The following EVA1C variants were observed in gnomAD, a reference collection of about 807,000 sequenced individuals.
EVA1C encodes the protein protein eva-1 homolog C.
EVA1C carries 25 observed loss-of-function variants against 45.4 expected under a neutral mutation model. The observed-to-expected ratio is 0.55, with a 90% CI of 0.40 to 0.77. EVA1C has a LOEUF of 0.77. EVA1C is among the 30% of genes least tolerant of loss of function. EVA1C has a pLI of 0.00. For missense variants in EVA1C, 479 were observed against 554.8 expected (o/e 0.86, Z 1.37); for synonymous variants, 190 against 221.2 (o/e 0.86, Z 1.25).
chr21:32,455,187 A>AG (rs924821126), intron 2 of EVA1C, among the ~76,000 whole-genome samples: 1 of 152,088 alleles, frequency 6.6e-6, no homozygotes, highest in East Asian at 1.9e-4. Context: ...TACATCCTCT[A>AG]GGGGGTTGGA....
intron 7 of EVA1C, among the ~76,000 whole-genome samples, chr21:32,510,524 T>C (rs917196034): frequency 3.5e-4 from 54 of 152,148 alleles, no homozygotes; most frequent in African/African-American, 1.2e-3. Flanking sequence ...TGCACTACAA[T>C]AGCAGAGCTG....
chr21:32,506,888 G>C (rs767125681), intron 7 of EVA1C, among the ~76,000 whole-genome samples: 2 of 152,214 alleles, frequency 1.3e-5, no homozygotes, highest in African/African-American at 2.4e-5. Context: ...GGATGAGCTG[G>C]GGTCTCTAGG....
Position 32,412,757 on chromosome 21 carries a change from C to A in EVA1C, c.-97C>A. The A allele has an allele frequency of 8.3e-7, 1 of 1,206,688 alleles. No individual in the cohort carries two copies. The highest frequency in any genetic ancestry group is 1.1e-6 in the Non-Finnish European group (1 of 939,078). The allele number at this position is 1,206,688 out of a possible 1,614,324, so 74.7% of individuals were successfully genotyped here. A position where few individuals can be genotyped will look rare whatever the true frequency, so the allele number is the denominator to read the frequency against. Reference sequence around the variant, plus strand: ...GAGGCGGCGGGGGGCCGCGGAGCCGCTGGCCATCGATTCTCCCCGCCATGT... The same window carrying A: ...GAGGCGGCGGGGGGCCGCGGAGCCGATGGCCATCGATTCTCCCCGCCATGT... On this transcript the variant is annotated 5_prime_UTR_variant, in exon 1 of 8. It adds an upstream start codon to the 5' untranslated region. Transcript: ENST00000300255.
At chr21:32,447,377 G>A (rs2035402145) in intron 1 of EVA1C, among the ~76,000 whole-genome samples, 2 of 151,364 alleles carry the variant, frequency 1.3e-5, no homozygotes, top group Non-Finnish European at 1.5e-5. Context: ...TCGGTGGGGG[G>A]AAAAGGAAAG....
chr21:32,463,567 G>C (rs1429828957), intron 3 of EVA1C, among the ~76,000 whole-genome samples: 1 of 152,188 alleles, frequency 6.6e-6, no homozygotes, highest in Non-Finnish European at 1.5e-5. Flanking sequence ...CGTTCCAGGA[G>C]ATGGTTTGCC....
chr21:32,466,503 T>A lies in EVA1C; in HGVS notation c.482-1193T>A, dbSNP rs201034580. ...GGAGTACATTCTTTAAAAAAAAAAA[T>A]AAACTGTGTTTTCTTCAACAGTGCA... On this transcript the variant is annotated intron_variant, in intron 3 of 7. Coordinates refer to ENST00000300255, the MANE Select transcript of EVA1C (RefSeq NM_058187.5). 6.9e-4 allele frequency among the ~76,000 whole-genome samples: 75 copies of A among 109,192 alleles called. No individual in the cohort carries two copies. In the South Asian group the frequency reaches 8.5e-3, roughly 12 times the overall value. The allele number at this position is 109,192 out of a possible 152,430, so 71.6% of individuals were successfully genotyped here.
At chr21:32,486,729 T>A (rs55946835) in intron 4 of EVA1C, among the ~76,000 whole-genome samples, 1 of 152,172 alleles carries the variant, frequency 6.6e-6, no homozygotes, top group East Asian at 1.9e-4. Flanking sequence ...CTTATGTAGG[T>A]TGTAAAAGGA....
chr21:32,466,018 C>A (rs1365302064), intron 3 of EVA1C, among the ~76,000 whole-genome samples: 1 of 152,200 alleles, frequency 6.6e-6, no homozygotes, highest in Non-Finnish European at 1.5e-5. Context: ...GGCACCCACT[C>A]ATCTACATTC....
At position 32,513,322 on chromosome 21, in the gene EVA1C, G is replaced by A. The variant is rs1036836681; in HGVS notation, c.950-1492G>A. Among the ~76,000 whole-genome samples, 540 of 147,340 alleles carry A rather than the reference G, an allele frequency of 3.7e-3. 7 individuals carry two copies. Among genetic ancestry groups the A allele is most frequent in the African/African-American group, 0.013 (513 of 40,650 alleles). On this transcript the variant is annotated intron_variant, in intron 7 of 7. Coordinates refer to ENST00000300255, the MANE Select transcript of EVA1C (RefSeq NM_058187.5). Reference sequence around the variant, plus strand: ...CTCCTGAGTAGCTGCGACTACAGGCGCCCGCCACCACACCCGGCTAGTTTT... The same window carrying A: ...CTCCTGAGTAGCTGCGACTACAGGCACCCGCCACCACACCCGGCTAGTTTT...
intron 1 of EVA1C, among the ~76,000 whole-genome samples, chr21:32,413,318 C>G (rs1293545382): frequency 6.6e-6 from 1 of 152,234 alleles, no homozygotes; most frequent in Non-Finnish European, 1.5e-5. Context: ...TATGGAGGCT[C>G]CTTAAACTGA....
At chr21:32,433,983 C>G (rs985864036) in intron 1 of EVA1C, among the ~76,000 whole-genome samples, 1 of 151,520 alleles carries the variant, frequency 6.6e-6, no homozygotes, top group Non-Finnish European at 1.5e-5. Flanking sequence ...CATAGCAAGA[C>G]CCCCATCTCT....
rs2037520739 is a variant in EVA1C at position 32,501,279 on chromosome 21, AG to A, written c.779-134del. On this transcript the variant is annotated intron_variant, in intron 5 of 7. Transcript: ENST00000300255. ...TTGTGTGTATATGTGTGTATTTAACAGGAAGAGTGAGTGATTCTTGCACTGA... is the reference window on the plus strand; with the variant it reads ...TTGTGTGTATATGTGTGTATTTAACAGAAGAGTGAGTGATTCTTGCACTGA... 5.6e-6 allele frequency: 4 copies of A among 718,614 alleles called. No homozygotes were observed. In the East Asian group the frequency reaches 1.1e-4, roughly 20 times the overall value. 44.5% of individuals were successfully genotyped at this position (718,614 alleles called of 1,614,324 possible).
At position 32,507,520 on chromosome 21, in the gene EVA1C, GTC is replaced by G. The variant is rs540463829; in HGVS notation, c.949+3509_949+3510del. ...CGTGTGTCTGTATCTGTGTGCATGT[GTC>G]TCTGTGTGTGCATGTGTGCGTCTGT... On this transcript the variant is annotated intron_variant, in intron 7 of 7. Transcript: ENST00000300255. Among the ~76,000 whole-genome samples, 187 of 149,916 alleles carry G rather than the reference GTC, an allele frequency of 1.2e-3. 2 individuals carry two copies. Among genetic ancestry groups the G allele is most frequent in the African/African-American group, 4.0e-3 (162 of 40,028 alleles).
intron 6 of EVA1C, 180 bp downstream of exon 6, chr21:32,501,675 AT>A: frequency 1.5e-6 from 1 of 650,582 alleles, no homozygotes; most frequent in Non-Finnish European, 2.4e-6. Context: ...GGTGAACACC[AT>A]TTTATTTTGT....
chr21:32,507,578 A>T (rs989636825), intron 7 of EVA1C, among the ~76,000 whole-genome samples: 1 of 145,578 alleles, frequency 6.9e-6, no homozygotes, highest in Non-Finnish European at 1.5e-5. Flanking sequence ...GTGCATGTGT[A>T]TATGTGTGTG....
At chr21:32,509,897 C>T (rs2037889357) in intron 7 of EVA1C, among the ~76,000 whole-genome samples, 1 of 151,450 alleles carries the variant, frequency 6.6e-6, no homozygotes, top group African/African-American at 2.4e-5. Context: ...TGAGGAATGG[C>T]AGGCTAGAGC....
At chr21:32,479,066 A>G (rs1474432007) in intron 4 of EVA1C, among the ~76,000 whole-genome samples, 2 of 152,270 alleles carry the variant, frequency 1.3e-5, no homozygotes. Context: ...AAAAGTAAAA[A>G]TGTAAATGGT....
intron 4 of EVA1C, among the ~76,000 whole-genome samples, chr21:32,491,313 C>A (rs1231423027): frequency 1.3e-5 from 2 of 151,864 alleles, no homozygotes; most frequent in Non-Finnish European, 2.9e-5. Flanking sequence ...TCATATGGGG[C>A]CTTGTGCACA....
At chr21:32,446,933 T>G (rs1434888319) in intron 1 of EVA1C, among the ~76,000 whole-genome samples, 1 of 152,210 alleles carries the variant, frequency 6.6e-6, no homozygotes, top group Non-Finnish European at 1.5e-5. Context: ...TGTGATTCCC[T>G]CACTCTGACC....
Sources: allele counts gnomAD v4.1 joint callset (sites outside exome capture counted in the v4.1 genomes callset), GRCh38; gene constraint gnomAD v4.1.1; transcripts MANE v1.5; gene names NCBI Gene and HGNC (gene_info 2026-07-23, HGNC 2026-07-21).